DUXB: variants seen among roughly 807,000 people sequenced by gnomAD.
DUXB encodes double homeobox B, also known as double homeobox protein B.
A neutral mutation model predicts 8.9 loss-of-function variants in DUXB; 22 were observed. That is an observed-to-expected ratio of 2.46 (90% CI 1.76 to 3.52). The LOEUF (loss-of-function observed/expected upper bound fraction) is 3.52, where lower values mean the gene tolerates loss of function less well. Ranked by LOEUF, DUXB falls within the 30% of genes most tolerant of loss-of-function variation. The pLI, the probability that DUXB is intolerant of heterozygous loss-of-function variation, is 0.00. For missense variants in DUXB, 237 were observed against 108.7 expected, an observed-to-expected ratio of 2.18 and a Z score of -5.25; for synonymous variants, 84 against 37.6, an observed-to-expected ratio of 2.23 and a Z score of -4.52.
At chr16:75,698,773 AC>A (rs553803538) in intron 2 of DUXB, 2 of 152,184 alleles carry the variant, frequency 1.3e-5, no homozygotes, top group Non-Finnish European at 2.9e-5. Context: ...CTGGGCTCAA[AC>A]GATTCTCCTG....
chr16:75,699,712 C>T (rs1461308957), intron 2 of DUXB, among the ~76,000 whole-genome samples: 1 of 152,044 alleles, frequency 6.6e-6, no homozygotes, highest in African/African-American at 2.4e-5. Flanking sequence ...GCGACTGCCA[C>T]CACGCCCGGC....
intron 1 of DUXB, among the ~76,000 whole-genome samples, chr16:75,700,626 TC>T (rs1483747926): frequency 6.6e-6 from 1 of 152,034 alleles, no homozygotes; most frequent in Non-Finnish European, 1.5e-5. Context: ...CACGCCATTC[TC>T]CCCGGTCAGC....
At chr16:75,695,797 T>C (rs1401007251) in intron 4 of DUXB, 164 bp downstream of exon 4, 1 of 595,934 alleles carries the variant, frequency 1.7e-6, no homozygotes, top group African/African-American at 1.9e-5. Flanking sequence ...ATTTGAAAAT[T>C]CTTCCTTGAC....
chr16:75,694,308 G>A lies in DUXB; in HGVS notation c.659C>T (p.Pro220Leu). 1.6e-6 allele frequency: 1 copy of A among 616,222 alleles called. No individual in the cohort carries two copies. The highest frequency in any genetic ancestry group is 2.0e-5 in the South Asian group (1 of 50,744). 38.2% of individuals were successfully genotyped at this position (616,222 alleles called of 1,614,324 possible). A position where few individuals can be genotyped will look rare whatever the true frequency, so the allele number is the denominator to read the frequency against. Reference protein sequence around the residue: ...LPPVLPSTQAPWDPFRFHVSQ... With the variant: ...LPPVLPSTQALWDPFRFHVSQ... ...CACATGGAACCTGAAGGGATCCCAA[G>A]GAGCCTGGGTTGAAGGAAGAACAGG... Residue 220 changes from proline (P) to leucine (L), a missense_variant, in exon 5 of 5, where the codon CCT becomes CTT. Physicochemically the swap from Pro to Leu is moderately conservative, Grantham distance 98. Coordinates refer to ENST00000633875, the MANE Select transcript of DUXB (RefSeq NM_001351307.2).
chr16:75,701,316 A>G, intron 1 of DUXB, 78 bp downstream of exon 1: 1 of 398,568 alleles, frequency 2.5e-6, no homozygotes. Context: ...TTTGTGCTAT[A>G]AACTTTGACA....
At chr16:75,700,740 C>G (rs1352603279) in intron 1 of DUXB, among the ~76,000 whole-genome samples, 1 of 152,010 alleles carries the variant, frequency 6.6e-6, no homozygotes, top group Non-Finnish European at 1.5e-5. Flanking sequence ...ATCTCCTGAC[C>G]TCGTGATCTG....
In DUXB at chr16:75,695,500, T is replaced by C. The variant is rs552388124; in HGVS notation, c.441+461A>G. On this transcript the variant is annotated intron_variant, in intron 4 of 4. Coordinates refer to ENST00000633875, the MANE Select transcript of DUXB (RefSeq NM_001351307.2). ...CCATAACTTAGGTAAAAGAAAATAC[T>C]CCTTGGGGGCCAATTTTGTCCCTCA... is the stretch of plus-strand genomic sequence containing the variant. 1.7e-4 allele frequency among the ~76,000 whole-genome samples: 26 copies of C among 152,316 alleles called. No individual in the cohort carries two copies. The South Asian group carries it at 4.6e-3, about 27-fold the overall frequency.
In DUXB at chr16:75,701,454, G is replaced by C. The variant is rs75259061; in HGVS notation, c.-36C>G. On this transcript the variant is annotated 5_prime_UTR_variant, in exon 1 of 5. Coordinates refer to ENST00000633875, the MANE Select transcript of DUXB (RefSeq NM_001351307.2). ...AGACCTGGACTCCACGGAGATCAGC[G>C]AGTAACTGAGCAGCTCTCAAAGACA... is the stretch of plus-strand genomic sequence containing the variant. The C allele has an allele frequency of 2.5e-6, 1 of 398,498 alleles. No individual in the cohort carries two copies. The allele number at this position is 398,498 out of a possible 1,614,324, so 24.7% of individuals were successfully genotyped here. A position where few individuals can be genotyped will look rare whatever the true frequency, so the allele number is the denominator to read the frequency against.
chr16:75,699,957 C>G, intron 2 of DUXB, 58 bp downstream of exon 2: 1 of 628,812 alleles, frequency 1.6e-6, no homozygotes, highest in Non-Finnish European at 2.8e-6. Context: ...AGCGCTGGGC[C>G]TAGTCTTTCT....
intron 1 of DUXB, 167 bp from the exon 2 acceptor site, chr16:75,700,336 C>T (rs190169186): frequency 1.1e-3 from 534 of 497,316 alleles, no homozygotes; most frequent in Non-Finnish European, 1.6e-3. Flanking sequence ...TGGGTTCAAG[C>T]GATTCTTAAG....
chr16:75,694,388 G>A lies in DUXB; in HGVS notation c.579C>T (p.Asp193=), dbSNP rs1597208597. 5.8e-6 allele frequency: 4 copies of A among 688,688 alleles called. No homozygotes were observed. Among genetic ancestry groups the A allele is most frequent in the Non-Finnish European group, 1.1e-5 (4 of 380,522 alleles). 42.7% of individuals were successfully genotyped at this position (688,688 alleles called of 1,614,324 possible). The change falls in exon 5 of 5, where the codon GAC becomes GAT. Residue 193 remains aspartate (D), a synonymous_variant. Coordinates refer to ENST00000633875, the MANE Select transcript of DUXB (RefSeq NM_001351307.2). ...GTGAGCAAGAAAAATAATGAGAGCT[G>A]TCTGTGGGGAGGAACAGGTTGATTG... The part of the protein sequence containing the change: ...WHPINLFLPT[D]SSHYFSCSHS...
intron 1 of DUXB, among the ~76,000 whole-genome samples, chr16:75,700,867 T>TA (rs1437656327): frequency 6.6e-6 from 1 of 152,148 alleles, no homozygotes; most frequent in Non-Finnish European, 1.5e-5. Context: ...CTAAATTGGG[T>TA]ATATAAACAT....
chr16:75,698,826 C>T (rs1209927437), intron 2 of DUXB: 3 of 152,208 alleles, frequency 2.0e-5, no homozygotes, highest in Non-Finnish European at 2.9e-5. Flanking sequence ...TGCACACCAC[C>T]ATGAGAAGGA....
chr16:75,699,021 G>T (rs8054050), intron 2 of DUXB, among the ~76,000 whole-genome samples: 89,407 of 151,860 alleles, frequency 0.59, 29,781 homozygotes, highest in East Asian at 0.96. Flanking sequence ...TAAAATACAT[G>T]TTTTTGGAGA....
At chr16:75,695,914 C>T in intron 4 of DUXB, 47 bp downstream of exon 4, 3 of 700,056 alleles carry the variant, frequency 4.3e-6, no homozygotes, top group Non-Finnish European at 7.8e-6. Flanking sequence ...CTCCAGGGGG[C>T]AGTATCACAG....
intron 2 of DUXB, 96 bp downstream of exon 2, chr16:75,699,919 T>C (rs1348437817): frequency 1.8e-6 from 1 of 563,300 alleles, no homozygotes; most frequent in African/African-American, 1.9e-5. Context: ...AAATACCTGA[T>C]ATAACCTGAT....
At chr16:75,696,261 C>G in intron 3 of DUXB, 146 bp from the exon 4 acceptor site, 1 of 614,278 alleles carries the variant, frequency 1.6e-6, no homozygotes, top group Admixed American at 2.8e-5. Flanking sequence ...ACCAAAAAGC[C>G]CAGAGCTAGG....
rs909168976 is a variant in DUXB at position 75,694,014 on chromosome 16, A to G, written c.953T>C (p.Phe318Ser). 2.0e-5 allele frequency: 8 copies of G among 401,982 alleles called. No individual in the cohort carries two copies. Among genetic ancestry groups the G allele is most frequent in the East Asian group, 3.6e-5 (1 of 28,154 alleles). 24.9% of individuals were successfully genotyped at this position (401,982 alleles called of 1,614,324 possible). ...REQQPLNLGQ[F>S]DISNILQRWD... Reference sequence around the variant, plus strand: ...CCTTTGCAAAATGTTCGATATGTCAAACTGACCCAGATTTAGAGGTTGTTG... The same window carrying G: ...CCTTTGCAAAATGTTCGATATGTCAGACTGACCCAGATTTAGAGGTTGTTG... The change falls in exon 5 of 5, where the codon TTT becomes TCT. Residue 318 changes from phenylalanine (F) to serine (S), a missense_variant. Transcript: ENST00000633875.
At chr16:75,696,719 G>C (rs2082610449) in intron 3 of DUXB, 119 bp downstream of exon 3, 9 of 600,512 alleles carry the variant, frequency 1.5e-5, no homozygotes, top group Non-Finnish European at 2.4e-5. Flanking sequence ...GTAGGATAAT[G>C]TTTCTATCTC....
Sources: gnomAD v4.1 joint callset for allele counts (sites outside exome capture counted in the v4.1 genomes callset) on GRCh38, gnomAD v4.1.1 for gene constraint, MANE v1.5 for transcripts, NCBI Gene and HGNC (gene_info 2026-07-23, HGNC 2026-07-21) for gene names.